The following CSMD1 variants were observed in gnomAD, a reference collection of about 807,000 sequenced individuals.
CSMD1 encodes CUB and Sushi multiple domains 1.
CSMD1 carries 213 observed loss-of-function variants against 417.5 expected under a neutral mutation model. The ratio of observed to expected loss-of-function variants is 0.51; its 90% confidence interval spans 0.46 to 0.57. The LOEUF (loss-of-function observed/expected upper bound fraction) is 0.57. CSMD1 is among the 20% of genes least tolerant of loss of function. The pLI is 0.00. For missense variants in CSMD1, 6,923 were observed against 4,529.7 expected (o/e 1.53, Z -15.17); for synonymous variants, 2,862 against 1,736.8 (o/e 1.65, Z -16.11).
intron 5 of CSMD1, among the ~76,000 whole-genome samples, chr8:3,905,262 C>G (rs1258939773): frequency 6.6e-6 from 1 of 152,156 alleles, no homozygotes; most frequent in African/African-American, 2.4e-5. Context: ...TATATTCTTT[C>G]ATACAAGAGT....
intron 5 of CSMD1, among the ~76,000 whole-genome samples, chr8:3,977,978 G>C (rs566425896): frequency 3.0e-4 from 46 of 152,256 alleles, no homozygotes; most frequent in Admixed American, 5.9e-4. Context: ...CCATCTACTA[G>C]CTCTTACCAT....
At chr8:4,954,408 G>C (rs1034929175) in intron 1 of CSMD1, among the ~76,000 whole-genome samples, 21 of 152,188 alleles carry the variant, frequency 1.4e-4, no homozygotes, top group African/African-American at 4.8e-4. Flanking sequence ...GCTGTTTCCA[G>C]GTTAGCACTC....
intron 2 of CSMD1, among the ~76,000 whole-genome samples, chr8:4,583,048 C>T (rs1267863839): frequency 2.0e-5 from 3 of 152,294 alleles, no homozygotes; most frequent in East Asian, 1.9e-4. Flanking sequence ...TCTCACCCGG[C>T]GTTAGCTGCC....
chr8:3,407,104 T>G (rs1051952528), intron 14 of CSMD1, among the ~76,000 whole-genome samples: 1 of 151,628 alleles, frequency 6.6e-6, no homozygotes, highest in Non-Finnish European at 1.5e-5. Context: ...GAGGGATGGA[T>G]GGAAAGATGA....
rs541730090 is a variant in CSMD1 at position 4,355,873 on chromosome 8, C to G, written c.415+64080G>C. Among the ~76,000 whole-genome samples, 207 of 152,290 alleles carry G rather than the reference C, an allele frequency of 1.4e-3. 1 individual carries two copies. Among genetic ancestry groups the G allele is most frequent in the Non-Finnish European group, 2.3e-3 (155 of 68,036 alleles). On this transcript the variant is annotated intron_variant, in intron 3 of 69. Transcript: ENST00000635120. Reference sequence around the variant, plus strand: ...GAGCTTTGGAGGATGGGAACCAGGCCTTGCCATTTAAACAGCGCAGGTGAG... The same window carrying G: ...GAGCTTTGGAGGATGGGAACCAGGCGTTGCCATTTAAACAGCGCAGGTGAG...
At chr8:3,215,577 A>G (rs907291364) in intron 29 of CSMD1, among the ~76,000 whole-genome samples, 1 of 152,206 alleles carries the variant, frequency 6.6e-6, no homozygotes, top group Non-Finnish European at 1.5e-5. Context: ...TTAGGCATTC[A>G]CTTTTGGCTG....
intron 6 of CSMD1, among the ~76,000 whole-genome samples, chr8:3,744,340 G>T (rs1032217223): frequency 2.6e-5 from 4 of 152,030 alleles, no homozygotes; most frequent in African/African-American, 9.7e-5. Context: ...ATACCCTGTG[G>T]GCTTCCACTG....
At chr8:3,103,187 G>C (rs1377629989) in intron 46 of CSMD1, among the ~76,000 whole-genome samples, 2 of 152,148 alleles carry the variant, frequency 1.3e-5, no homozygotes, top group Non-Finnish European at 2.9e-5. Flanking sequence ...AGGTACATAA[G>C]CTCTAAAAAA....
intron 3 of CSMD1, among the ~76,000 whole-genome samples, chr8:4,381,746 A>G (rs1803119569): frequency 6.6e-6 from 1 of 151,974 alleles, no homozygotes; most frequent in African/African-American, 2.4e-5. Context: ...CTTCGATGCT[A>G]TGTTTTTTTG....
rs571717272 is a variant in CSMD1, at chr8:4,765,495, A to G, written c.86-127937T>C. Reference sequence around the variant, plus strand: ...AAAAAGTGTTTGCAGATGCCTATTTAGTTTAAAATTATACTGCTGGGAAGG... The same window carrying G: ...AAAAAGTGTTTGCAGATGCCTATTTGGTTTAAAATTATACTGCTGGGAAGG... On this transcript the variant is annotated intron_variant, in intron 1 of 69. Coordinates refer to ENST00000635120, the MANE Select transcript of CSMD1 (RefSeq NM_033225.6). Among the ~76,000 whole-genome samples the G allele has an allele frequency of 3.9e-5, 6 of 152,376 alleles. No homozygotes were observed. In the East Asian group the frequency reaches 9.6e-4, roughly 24 times the overall value.
intron 20 of CSMD1, among the ~76,000 whole-genome samples, 185 bp from the exon 21 acceptor site, chr8:3,359,525 G>C (rs1351071163): frequency 6.7e-6 from 1 of 148,386 alleles, no homozygotes; most frequent in East Asian, 2.0e-4. Context: ...TATGACAAAT[G>C]ACATGGGATT....
chr8:4,684,724 C>A (rs554904986), intron 1 of CSMD1, among the ~76,000 whole-genome samples: 1 of 152,104 alleles, frequency 6.6e-6, no homozygotes, highest in Non-Finnish European at 1.5e-5. Flanking sequence ...TGAAGGATAG[C>A]TGTAAAAATA....
intron 21 of CSMD1, among the ~76,000 whole-genome samples, chr8:3,353,589 A>G (rs745334873): frequency 6.6e-6 from 1 of 152,246 alleles, no homozygotes; most frequent in Non-Finnish European, 1.5e-5. Flanking sequence ...TAAGACACTG[A>G]CATTAAGTAA....
chr8:4,420,148 C>G (rs975075704), intron 2 of CSMD1, 83 bp from the exon 3 acceptor site: 15 of 878,702 alleles, frequency 1.7e-5, no homozygotes, highest in East Asian at 8.1e-5. Context: ...CACTGAATAA[C>G]TTGAACAGTG....
chr8:3,996,590 C>A (rs1006214837), intron 5 of CSMD1, among the ~76,000 whole-genome samples: 1 of 151,970 alleles, frequency 6.6e-6, no homozygotes, highest in Non-Finnish European at 1.5e-5. Flanking sequence ...TTAGACATAG[C>A]GAGATAGGTA....
chr8:4,071,646 T>C (rs1987445), intron 3 of CSMD1, among the ~76,000 whole-genome samples: 1 of 152,156 alleles, frequency 6.6e-6, no homozygotes, highest in African/African-American at 2.4e-5. Flanking sequence ...CTAGCTGAAA[T>C]ATGTGGAGTG....
chr8:4,065,918 G>A (rs185155773), intron 3 of CSMD1, among the ~76,000 whole-genome samples: 1 of 152,098 alleles, frequency 6.6e-6, no homozygotes, highest in Non-Finnish European at 1.5e-5. Flanking sequence ...GTGGCCCAGG[G>A]AAAAATGAGA....
At chr8:4,288,796 C>G (rs554760720) in intron 3 of CSMD1, among the ~76,000 whole-genome samples, 3 of 152,124 alleles carry the variant, frequency 2.0e-5, no homozygotes, top group Non-Finnish European at 4.4e-5. Context: ...ACGTAGCAGC[C>G]AACATTGAGC....
chr8:3,842,361 A>G (rs1803194910), intron 5 of CSMD1, among the ~76,000 whole-genome samples: 1 of 152,030 alleles, frequency 6.6e-6, no homozygotes, highest in South Asian at 2.1e-4. Flanking sequence ...TATCAATACC[A>G]CTAATAATGT....
Sources: gnomAD v4.1 joint callset for allele counts (sites outside exome capture counted in the v4.1 genomes callset) on GRCh38, gnomAD v4.1.1 for gene constraint, MANE v1.5 for transcripts, NCBI Gene and HGNC (gene_info 2026-07-23, HGNC 2026-07-21) for gene names.